SYT16: variants seen among roughly 807,000 people sequenced by gnomAD.
The protein encoded by SYT16 is synaptotagmin-16.
SYT16 carries 42 observed loss-of-function variants against 61.4 expected under a neutral mutation model. The observed-to-expected ratio is 0.68, with a 90% CI of 0.53 to 0.89. The LOEUF is 0.89. SYT16 is among the 40% of genes least tolerant of loss of function. The pLI, the probability that SYT16 is intolerant of heterozygous loss-of-function variation, is 0.00. For missense variants in SYT16, 804 were observed against 807.3 expected, an observed-to-expected ratio of 1.00 and a Z score of 0.05; for synonymous variants, 314 against 302.3, an observed-to-expected ratio of 1.04 and a Z score of -0.40.
intron 3 of SYT16, among the ~76,000 whole-genome samples, chr14:62,056,681 C>G (rs1595295211): frequency 6.6e-6 from 1 of 152,144 alleles, no homozygotes; most frequent in African/African-American, 2.4e-5. Flanking sequence ...AGAACTGGGC[C>G]TTGGAGGTTA....
chr14:61,934,404 G>C (rs1185829809), intron 1 of SYT16, among the ~76,000 whole-genome samples: 1 of 152,146 alleles, frequency 6.6e-6, no homozygotes, highest in East Asian at 1.9e-4. Context: ...GAAAACCTCT[G>C]TATGACAAAA....
At chr14:61,925,384 C>T (rs1004037279) in intron 1 of SYT16, among the ~76,000 whole-genome samples, 1 of 151,546 alleles carries the variant, frequency 6.6e-6, no homozygotes, top group African/African-American at 2.4e-5. Flanking sequence ...AAAATCTTGG[C>T]ATAGATTAGT....
At chr14:62,064,360 A>G (rs1228114958) in intron 3 of SYT16, among the ~76,000 whole-genome samples, 2 of 145,148 alleles carry the variant, frequency 1.4e-5, no homozygotes, top group Admixed American at 6.9e-5. Flanking sequence ...AAAAAAAAAG[A>G]AAACACTGGG....
intron 1 of SYT16, among the ~76,000 whole-genome samples, chr14:61,845,263 G>T (rs1223517988): frequency 6.6e-6 from 1 of 151,888 alleles, no homozygotes; most frequent in African/African-American, 2.4e-5. Flanking sequence ...TGACCAGGCT[G>T]GTCTTGAACT....
At chr14:62,016,311 C>CTGGT (rs1342897946) in intron 3 of SYT16, among the ~76,000 whole-genome samples, 1 of 152,122 alleles carries the variant, frequency 6.6e-6, no homozygotes, top group Non-Finnish European at 1.5e-5. Context: ...ACCAGAGAGG[C>CTGGT]ACTATCATTC....
At chr14:61,875,378 A>T (rs2047454738) in intron 1 of SYT16, among the ~76,000 whole-genome samples, 1 of 152,208 alleles carries the variant, frequency 6.6e-6, no homozygotes, top group East Asian at 1.9e-4. Flanking sequence ...ATTTATGTGG[A>T]TTGGGTGTAC....
At chr14:62,027,203 C>T (rs188597377) in intron 3 of SYT16, among the ~76,000 whole-genome samples, 1 of 152,064 alleles carries the variant, frequency 6.6e-6, no homozygotes, top group Non-Finnish European at 1.5e-5. Flanking sequence ...TTCCTGTTTC[C>T]TCCCCTTAGC....
intron 1 of SYT16, among the ~76,000 whole-genome samples, chr14:61,823,122 A>G (rs2045664244): frequency 6.6e-6 from 1 of 151,974 alleles, no homozygotes; most frequent in Non-Finnish European, 1.5e-5. Flanking sequence ...CCTCCTGAGT[A>G]GTTGGAATTA....
chr14:62,039,395 G>T (rs1209982714), intron 3 of SYT16, among the ~76,000 whole-genome samples: 4 of 152,274 alleles, frequency 2.6e-5, no homozygotes, highest in East Asian at 1.9e-4. Flanking sequence ...AGTATTCTAA[G>T]CTAAGAAGGC....
chr14:61,875,717 G>A (rs1331273644), intron 1 of SYT16, among the ~76,000 whole-genome samples: 1 of 152,190 alleles, frequency 6.6e-6, no homozygotes, highest in African/African-American at 2.4e-5. Flanking sequence ...GGCTGCAGAT[G>A]GCACCCCAGG....
intron 5 of SYT16, chr14:62,079,569 A>G (rs1179145435): frequency 6.1e-6 from 1 of 163,392 alleles, no homozygotes; most frequent in Non-Finnish European, 1.4e-5. Context: ...TTTCACCCAG[A>G]CTATGTGGGA....
intron 1 of SYT16, among the ~76,000 whole-genome samples, chr14:61,860,964 C>CTT (rs2046944343): frequency 6.6e-6 from 1 of 151,982 alleles, no homozygotes; most frequent in South Asian, 2.1e-4. Flanking sequence ...AAGAAGAAAG[C>CTT]AATCGGAGGA....
At chr14:61,979,610 G>A (rs543219124) in intron 2 of SYT16, among the ~76,000 whole-genome samples, 67 of 152,152 alleles carry the variant, frequency 4.4e-4, no homozygotes, top group Non-Finnish European at 8.7e-4. Context: ...CTGGCCAGGC[G>A]TGGTGGCTCA....
intron 3 of SYT16, among the ~76,000 whole-genome samples, chr14:62,062,267 T>G (rs574907647): frequency 6.6e-6 from 1 of 152,252 alleles, no homozygotes; most frequent in African/African-American, 2.4e-5. Context: ...TGAAGTCTCT[T>G]AAGTAGCCTC....
At chr14:62,011,199 T>C (rs2053433866) in intron 3 of SYT16, among the ~76,000 whole-genome samples, 1 of 152,198 alleles carries the variant, frequency 6.6e-6, no homozygotes, top group African/African-American at 2.4e-5. Flanking sequence ...GGAGTAAATC[T>C]GGTTTCATGG....
rs57737830 is a variant in SYT16 at position 61,846,468 on chromosome 14, G to A, written c.-325+33658G>A. Among the ~76,000 whole-genome samples the A allele has an allele frequency of 5.3e-3, 811 of 152,226 alleles. 4 individuals carry two copies. The highest frequency in any genetic ancestry group is 0.019 in the African/African-American group (769 of 41,552). On this transcript the variant is annotated intron_variant, in intron 1 of 7. Coordinates refer to ENST00000683842, the MANE Select transcript of SYT16 (RefSeq NM_001367656.1). ...TTGAAATCTATTTTGTCTGATATAA[G>A]TATAGTGATTCCTGCTCTTTTTCAG...
intron 5 of SYT16, among the ~76,000 whole-genome samples, chr14:62,076,520 T>C (rs1005450754): frequency 6.6e-6 from 1 of 151,942 alleles, no homozygotes; most frequent in African/African-American, 2.4e-5. Context: ...GTAGGTAGTA[T>C]CTAAGGAGGG....
intron 1 of SYT16, among the ~76,000 whole-genome samples, chr14:61,953,294 T>C (rs185451227): frequency 1.2e-3 from 184 of 152,338 alleles, no homozygotes; most frequent in African/African-American, 4.1e-3. Flanking sequence ...TACCTCCTTT[T>C]TGTTGATTGC....
At chr14:61,901,768 T>A (rs545944884) in intron 1 of SYT16, among the ~76,000 whole-genome samples, 227 of 144,660 alleles carry the variant, frequency 1.6e-3, no homozygotes, top group African/African-American at 4.4e-3. Context: ...TAATAATTAT[T>A]ATTATTATTA....
Sources: gnomAD v4.1 joint callset for allele counts (sites outside exome capture counted in the v4.1 genomes callset) on GRCh38, gnomAD v4.1.1 for gene constraint, MANE v1.5 for transcripts, NCBI Gene and HGNC (gene_info 2026-07-23, HGNC 2026-07-21) for gene names.